Variants in AFG1L observed in about 807,000 individuals in gnomAD.
AFG1L encodes the protein AFG1-like ATPase.
Under a neutral mutation model 62.2 loss-of-function variants are expected in AFG1L, and 53 were observed. The observed-to-expected ratio is 0.85, with a 90% CI of 0.68 to 1.07. The LOEUF (loss-of-function observed/expected upper bound fraction) is 1.07. Among genes scored for constraint, AFG1L ranks in the 50% least tolerant of loss-of-function variants. The pLI, the probability that AFG1L is intolerant of heterozygous loss-of-function variation, is 0.00. For missense variants in AFG1L, 555 were observed against 590.5 expected, an observed-to-expected ratio of 0.94 and a Z score of 0.62; for synonymous variants, 228 against 210.3, an observed-to-expected ratio of 1.08 and a Z score of -0.73.
At chr6:108,471,216 T>G (rs1772879174) in intron 8 of AFG1L, among the ~76,000 whole-genome samples, 1 of 152,120 alleles carries the variant, frequency 6.6e-6, no homozygotes, top group African/African-American at 2.4e-5. Flanking sequence ...TTGAAACCTC[T>G]GGAAATAATT....
intron 10 of AFG1L, among the ~76,000 whole-genome samples, chr6:108,490,301 A>G (rs368822988): frequency 1.7e-4 from 26 of 152,368 alleles, no homozygotes; most frequent in African/African-American, 5.5e-4. Flanking sequence ...CGGAGGTTGT[A>G]GTGAGCCGAA....
At chr6:108,472,713 T>A (rs1169455202) in intron 8 of AFG1L, among the ~76,000 whole-genome samples, 1 of 150,890 alleles carries the variant, frequency 6.6e-6, no homozygotes, top group African/African-American at 2.4e-5. Flanking sequence ...GGAATCTCGC[T>A]CCGTCGCCCA....
chr6:108,517,714 G>A (rs1428853931), intron 11 of AFG1L, among the ~76,000 whole-genome samples: 1 of 152,102 alleles, frequency 6.6e-6, no homozygotes, highest in Non-Finnish European at 1.5e-5. Flanking sequence ...GAGTGAACAG[G>A]CAGCCTACAG....
intron 7 of AFG1L, among the ~76,000 whole-genome samples, chr6:108,403,788 C>CT (rs906943669): frequency 3.0e-4 from 43 of 143,716 alleles, no homozygotes; most frequent in Admixed American, 2.8e-4. Flanking sequence ...TGTAGCTGTA[C>CT]TTTTTTTTTT....
intron 7 of AFG1L, among the ~76,000 whole-genome samples, chr6:108,432,165 A>G (rs1771104645): frequency 6.6e-6 from 1 of 152,194 alleles, no homozygotes; most frequent in South Asian, 2.1e-4. Flanking sequence ...GTCCTCAAAA[A>G]GATAAAAATG....
intron 8 of AFG1L, among the ~76,000 whole-genome samples, chr6:108,454,972 A>T (rs1772197208): frequency 6.6e-6 from 1 of 152,040 alleles, no homozygotes; most frequent in African/African-American, 2.4e-5. Flanking sequence ...AAGAGATAGA[A>T]TTTCTGTCTC....
intron 6 of AFG1L, chr6:108,392,118 G>C (rs2114597003): frequency 6.6e-6 from 1 of 152,266 alleles, no homozygotes. Flanking sequence ...ATGATACAGA[G>C]AAGATTAGCA....
chr6:108,333,901 C>T (rs768085558), intron 2 of AFG1L, among the ~76,000 whole-genome samples: 3 of 152,200 alleles, frequency 2.0e-5, no homozygotes, highest in Non-Finnish European at 4.4e-5. Flanking sequence ...GGGTGGGTAA[C>T]GAGGTGTTCC....
At chr6:108,514,991 A>C (rs139314282) in intron 11 of AFG1L, among the ~76,000 whole-genome samples, 23,317 of 152,124 alleles carry the variant, frequency 0.15, 2,022 homozygotes, top group South Asian at 0.29. Context: ...CACCCAGATT[A>C]ATAAAGCAAG....
At chr6:108,380,334 CT>C (rs1326241868) in intron 6 of AFG1L, among the ~76,000 whole-genome samples, 1 of 152,130 alleles carries the variant, frequency 6.6e-6, no homozygotes, top group East Asian at 1.9e-4. Context: ...TTCCAAATGC[CT>C]GGATTTCTGC....
chr6:108,376,558 A>G (rs1372683859), intron 6 of AFG1L, among the ~76,000 whole-genome samples: 1 of 151,968 alleles, frequency 6.6e-6, no homozygotes, highest in African/African-American at 2.4e-5. Flanking sequence ...TTTAATTTCC[A>G]TGTAATTGTG....
intron 8 of AFG1L, among the ~76,000 whole-genome samples, chr6:108,460,042 A>G (rs1582619056): frequency 6.6e-6 from 1 of 151,814 alleles, no homozygotes; most frequent in African/African-American, 2.4e-5. Flanking sequence ...GAATCACACA[A>G]ACTATAAGAA....
chr6:108,419,640 A>T (rs1193827993), intron 7 of AFG1L, among the ~76,000 whole-genome samples: 2 of 152,132 alleles, frequency 1.3e-5, no homozygotes, highest in African/African-American at 4.8e-5. Context: ...TGTTCTTATT[A>T]TTGCTACTTT....
At position 108,505,383 on chromosome 6, in the gene AFG1L, C is replaced by T. The variant is rs114995182; in HGVS notation, c.1063-4829C>T. Among the ~76,000 whole-genome samples, 1,176 of 152,244 alleles carry T rather than the reference C, an allele frequency of 7.7e-3. 24 individuals are homozygous for T. Among genetic ancestry groups the T allele is most frequent in the African/African-American group, 0.027 (1,102 of 41,536 alleles). ...CTGGGATTACAGGCATGAACCACTG[C>T]GCCCAGCCAGATTTTTTTCTATATG... is the stretch of plus-strand genomic sequence containing the variant. On this transcript the variant is annotated intron_variant, in intron 10 of 12. Coordinates refer to ENST00000368977, the MANE Select transcript of AFG1L (RefSeq NM_145315.5).
intron 1 of AFG1L, among the ~76,000 whole-genome samples, chr6:108,319,953 TGA>T (rs1353212451): frequency 1.3e-5 from 2 of 152,128 alleles, no homozygotes; most frequent in Non-Finnish European, 2.9e-5. Context: ...GGTATGTGAA[TGA>T]GGGGGATATG....
intron 1 of AFG1L, among the ~76,000 whole-genome samples, chr6:108,321,383 T>A (rs1172127599): frequency 1.3e-5 from 2 of 152,142 alleles, no homozygotes; most frequent in Non-Finnish European, 2.9e-5. Flanking sequence ...ACCCAGAAGT[T>A]CTCCAAGTCT....
intron 8 of AFG1L, among the ~76,000 whole-genome samples, chr6:108,475,892 AT>A (rs1310017517): frequency 1.3e-5 from 2 of 152,176 alleles, no homozygotes; most frequent in African/African-American, 2.4e-5. Flanking sequence ...TGTCACACTA[AT>A]TTTCAATAAG....
intron 7 of AFG1L, among the ~76,000 whole-genome samples, chr6:108,418,615 G>A (rs1770439986): frequency 6.6e-6 from 1 of 152,154 alleles, no homozygotes; most frequent in Non-Finnish European, 1.5e-5. Flanking sequence ...ATCGAAGGGA[G>A]GAAGCTTGGT....
chr6:108,364,213 G>A lies in AFG1L; in HGVS notation c.649-2020G>A, dbSNP rs116325455. ...TGTTCACTTATACTGTAAAATTACC[G>A]TTCCCCGGCAAGGCCGAACAAGTGC... On this transcript the variant is annotated intron_variant, in intron 5 of 12. Transcript: ENST00000368977. 4.7e-3 allele frequency among the ~76,000 whole-genome samples: 714 copies of A among 152,158 alleles called. 13 individuals are homozygous for A. The highest frequency in any genetic ancestry group is 0.017 in the African/African-American group (689 of 41,512).
Sources: gnomAD v4.1 joint callset for allele counts (sites outside exome capture counted in the v4.1 genomes callset) on GRCh38, gnomAD v4.1.1 for gene constraint, MANE v1.5 for transcripts, NCBI Gene and HGNC (gene_info 2026-07-23, HGNC 2026-07-21) for gene names.